LRRC57: variants seen among roughly 807,000 people sequenced by gnomAD.
LRRC57 encodes leucine rich repeat containing 57.
LRRC57 carries 14 observed loss-of-function variants against 23.1 expected under a neutral mutation model. That is an observed-to-expected ratio of 0.61 (90% CI 0.40 to 0.95). The LOEUF (loss-of-function observed/expected upper bound fraction) is 0.95, where lower values mean the gene tolerates loss of function less well. Among genes scored for constraint, LRRC57 ranks in the 40% least tolerant of loss-of-function variants. LRRC57 has a pLI of 0.00. For synonymous variants in LRRC57, 106 were observed against 115.2 expected (o/e 0.92, Z 0.51); for missense variants, 236 against 284.4 (o/e 0.83, Z 1.22).
At chr15:42,547,596 T>C in intron 3 of LRRC57, 67 bp from the exon 4 acceptor site, 1 of 1,435,156 alleles carries the variant, frequency 7.0e-7, no homozygotes, top group Admixed American at 2.0e-5. Flanking sequence ...ATGAAGTTTA[T>C]AAAGACTATA....
rs933471879 is a variant in LRRC57 at position 42,547,465 on chromosome 15, G to T, written c.288C>A (p.His96Gln). Residue 96 changes from histidine (H) to glutamine (Q), a missense_variant, in exon 4 of 6, where the codon CAC becomes CAA. Transcript: ENST00000397130. ...CAAAGGTAGACGGCAGCTCTCTAAG[G>T]TGATTGTTGTTTAGGCTTAGCGTCT... ...KLETLSLNNN[H>Q]LRELPSTFGQ... 2.5e-6 allele frequency: 4 copies of T among 1,614,092 alleles called. No individual in the cohort carries two copies. Among genetic ancestry groups the T allele is most frequent in the African/African-American group, 1.3e-5 (1 of 75,042 alleles).
At chr15:42,529,597 T>C in the LRRC57 span, 28 of 1,490,278 alleles carry the variant, frequency 1.9e-5, 1 homozygote, top group South Asian at 3.3e-4. Flanking sequence ...TTTTGGTTAC[T>C]TACTTTTGTG....
At chr15:42,548,497 G>T (rs1769322731) in intron 1 of LRRC57, 41 bp from the exon 2 acceptor site, 19 of 1,549,600 alleles carry the variant, frequency 1.2e-5, no homozygotes, top group East Asian at 4.7e-5. Flanking sequence ...CAGTCCACCC[G>T]GTCGGCCTCC....
chr15:42,538,954 CA>C lies in LRRC57; in HGVS notation c.*5128del, dbSNP rs2057614284. The C allele has an allele frequency of 6.6e-6, 1 of 151,410 alleles. No individual in the cohort carries two copies. Among genetic ancestry groups the C allele is most frequent in the African/African-American group, 2.4e-5 (1 of 41,118 alleles). 9.4% of individuals were successfully genotyped at this position (151,410 alleles called of 1,614,324 possible). On this transcript the variant is annotated 3_prime_UTR_variant, in exon 6 of 6. Coordinates refer to ENST00000397130, the MANE Select transcript of LRRC57 (RefSeq NM_153260.3). ...AATCCCAGCACTTTGGGAGGTAAGG[CA>C]GGATTGCTTGAGCCCAGGAGTTTGG...
chr15:42,547,696 A>T, intron 3 of LRRC57, 167 bp from the exon 4 acceptor site: 1 of 660,872 alleles, frequency 1.5e-6, no homozygotes, highest in South Asian at 2.1e-5. Context: ...AGTCTTTAGA[A>T]GGTGAGGGTG....
downstream of LRRC57, chr15:42,532,882 G>T (rs2057579723): frequency 6.6e-6 from 1 of 152,642 alleles, no homozygotes; most frequent in South Asian, 2.1e-4. Context: ...TTACCCTTGT[G>T]TATTGAACTA....
At chr15:42,535,081 G>T (rs1159142358), downstream of LRRC57, among the ~76,000 whole-genome samples, 1 of 152,204 alleles carries the variant, frequency 6.6e-6, no homozygotes, top group Non-Finnish European at 1.5e-5. Context: ...AGCTATGGGA[G>T]TCCTAAATGG....
chr15:42,529,801 A>G, the LRRC57 span: 2 of 1,612,044 alleles, frequency 1.2e-6, no homozygotes, highest in Non-Finnish European at 1.7e-6. Context: ...ATCCACAAAT[A>G]AAACGAATCA....
At chr15:42,547,100 C>G (rs2057661913) in intron 4 of LRRC57, among the ~76,000 whole-genome samples, 161 bp downstream of exon 4, 1 of 152,174 alleles carries the variant, frequency 6.6e-6, no homozygotes, top group African/African-American at 2.4e-5. Context: ...TTCCATGGCA[C>G]TTTGGGCCTT....
downstream of LRRC57, chr15:42,532,938 T>C (rs1391554210): frequency 6.6e-6 from 1 of 152,660 alleles, no homozygotes; most frequent in African/African-American, 2.4e-5. Flanking sequence ...GTTATGAACA[T>C]CTGATTGGTA....
At chr15:42,537,477 T>C (rs145738105), downstream of LRRC57, among the ~76,000 whole-genome samples, 152 of 152,206 alleles carry the variant, frequency 1.0e-3, no homozygotes, top group African/African-American at 3.5e-3. Flanking sequence ...AAAACAAATA[T>C]GGAGATCTCT....
chr15:42,534,223 C>T (rs757817484), downstream of LRRC57, among the ~76,000 whole-genome samples: 18 of 152,170 alleles, frequency 1.2e-4, no homozygotes, highest in Admixed American at 3.9e-4. Flanking sequence ...CTCCACCTCT[C>T]GGGTTCAAGC....
chr15:42,543,167 C>A lies in LRRC57; in HGVS notation c.*916G>T, dbSNP rs911861286. ...TACAGGCGTGAGTCGCCGTGCCCAG[C>A]CAACAAAGCGTACTTTAAAAAAAAA... is the stretch of plus-strand genomic sequence containing the variant. On this transcript the variant is annotated 3_prime_UTR_variant, in exon 6 of 6. Transcript: ENST00000397130. 2.7e-5 allele frequency: 4 copies of A among 150,816 alleles called. No homozygotes were observed. The highest frequency in any genetic ancestry group is 9.8e-5 in the African/African-American group (4 of 40,952). 9.3% of individuals were successfully genotyped at this position (150,816 alleles called of 1,614,324 possible).
In LRRC57 at chr15:42,545,177, A is replaced by G. The variant is rs1326605016; in HGVS notation, c.578T>C (p.Leu193Pro). Residue 193 changes from leucine to proline, a missense_variant, in exon 5 of 6, where the codon CTT becomes CCT. By Grantham distance (98) the Leu-to-Pro change is moderately conservative (BLOSUM62 -3). Transcript: ENST00000397130. The part of the protein sequence containing the change: ...LEENCLELSM[L>P]PQSILSDSQI... The stretch of plus-strand genomic sequence containing the variant: ...GGAATCACTGAGGATGCTCTGGGGA[A>G]GCATGCTGAGCTCAAGACAATTCTC... 1 of 1,611,208 alleles carries G rather than the reference A, an allele frequency of 6.2e-7. No individual in the cohort carries two copies. The highest frequency in any genetic ancestry group is 1.3e-5 in the African/African-American group (1 of 74,774).
chr15:42,537,154 G>A (rs1292021921), downstream of LRRC57, among the ~76,000 whole-genome samples: 1 of 151,904 alleles, frequency 6.6e-6, no homozygotes, highest in African/African-American at 2.4e-5. Context: ...TGAGGCGGGA[G>A]GATCACTTGG....
intron 3 of LRRC57, 42 bp from the exon 4 acceptor site, chr15:42,547,571 C>G: frequency 6.4e-7 from 1 of 1,551,722 alleles, no homozygotes; most frequent in South Asian, 1.2e-5. Context: ...TGTGATAGAG[C>G]TGAAAACAAC....
chr15:42,536,627 AAG>A (rs1259020489), downstream of LRRC57, among the ~76,000 whole-genome samples: 13 of 152,306 alleles, frequency 8.5e-5, no homozygotes, highest in Middle Eastern at 6.8e-3. Flanking sequence ...ATTGAGAAAA[AAG>A]AGAGGTGAGG....
At chr15:42,529,345 C>A in the LRRC57 span, among the ~76,000 whole-genome samples, 1 of 152,144 alleles carries the variant, frequency 6.6e-6, no homozygotes, top group East Asian at 1.9e-4. Flanking sequence ...CTGGGATGCA[C>A]TTACAGTTTC....
At chr15:42,529,639 A>G in the LRRC57 span, 4 of 1,598,112 alleles carry the variant, frequency 2.5e-6, no homozygotes, top group African/African-American at 1.4e-5. Flanking sequence ...TTTAAATTCA[A>G]CAAAACCTAT....
Sources: gnomAD v4.1 joint callset for allele counts (sites outside exome capture counted in the v4.1 genomes callset) on GRCh38, gnomAD v4.1.1 for gene constraint, MANE v1.5 for transcripts, NCBI Gene and HGNC (gene_info 2026-07-23, HGNC 2026-07-21) for gene names.